EPHA7: variants seen among roughly 807,000 people sequenced by gnomAD.
EPHA7 encodes EPH receptor A7, also known as ephrin type-A receptor 7.
Under a neutral mutation model 112.6 loss-of-function variants are expected in EPHA7, and 25 were observed. The ratio of observed to expected loss-of-function variants is 0.22; its 90% CI spans 0.16 to 0.31. The LOEUF (loss-of-function observed/expected upper bound fraction) is 0.31, where lower values mean the gene tolerates loss of function less well. Ranked by LOEUF, EPHA7 falls within the 10% of genes least tolerant of loss-of-function variation. The pLI is 1.00. For synonymous variants in EPHA7, 437 were observed against 406.5 expected, an observed-to-expected ratio of 1.07 and a Z score of -0.90; for missense variants, 962 against 1,212.6, an observed-to-expected ratio of 0.79 and a Z score of 3.07.
At chr6:93,351,231 C>T (rs1775676308) in intron 5 of EPHA7, among the ~76,000 whole-genome samples, 1 of 152,024 alleles carries the variant, frequency 6.6e-6, no homozygotes. Flanking sequence ...CTAGGGACAA[C>T]CTGAGGGTTC....
Position 93,357,063 on chromosome 6 carries a change from C to A in EPHA7, c.989-11G>T. The A allele has an allele frequency of 1.2e-5, 18 of 1,557,348 alleles. No individual in the cohort carries two copies. The highest frequency in any genetic ancestry group is 3.5e-5 in the South Asian group (3 of 84,650). On this transcript the variant is annotated splice_polypyrimidine_tract_variant and intron_variant, in intron 4 of 16. Transcript: ENST00000369303. ...GTGCAGATGGAGGCCCTTGGGAAAC[C>A]AAGAATAAATAAGTAAATAAGCAAA...
chr6:93,347,385 T>C (rs1481042884), intron 5 of EPHA7, among the ~76,000 whole-genome samples: 1 of 151,826 alleles, frequency 6.6e-6, no homozygotes, highest in Non-Finnish European at 1.5e-5. Flanking sequence ...CTATTGGTCA[T>C]TTTCTGCTAC....
intron 5 of EPHA7, among the ~76,000 whole-genome samples, chr6:93,292,372 G>A (rs1772424144): frequency 6.6e-6 from 1 of 151,978 alleles, no homozygotes; most frequent in African/African-American, 2.4e-5. Flanking sequence ...TTTTACCCTA[G>A]TATTTTAAAT....
intron 5 of EPHA7, among the ~76,000 whole-genome samples, chr6:93,280,260 C>A (rs1239873225): frequency 6.6e-6 from 1 of 152,132 alleles, no homozygotes; most frequent in Non-Finnish European, 1.5e-5. Flanking sequence ...TGTTGTCAAC[C>A]CCATTTGTAA....
Position 93,240,107 on chromosome 6 carries a change from T to C in EPHA7, c.*3319A>G, listed in dbSNP as rs1161356625. On this transcript the variant is annotated 3_prime_UTR_variant, in exon 17 of 17. Transcript: ENST00000369303. The stretch of plus-strand genomic sequence containing the variant: ...TTCATGTTGAAGAAAGAGTTATTTG[T>C]GCTTGATACATTGAAGACACTGTTC... 4.4e-6 allele frequency: 1 copy of C among 224,968 alleles called. No individual in the cohort carries two copies. The highest frequency in any genetic ancestry group is 6.4e-5 in the East Asian group (1 of 15,554). The allele number at this position is 224,968 out of a possible 1,614,324, so 13.9% of individuals were successfully genotyped here.
Position 93,268,184 on chromosome 6 carries a change from A to T in EPHA7, c.1633+1293T>A, listed in dbSNP as rs530145011. 4.4e-3 allele frequency among the ~76,000 whole-genome samples: 668 copies of T among 151,834 alleles called. 9 individuals are homozygous for T. Among genetic ancestry groups the T allele is most frequent in the African/African-American group, 0.015 (609 of 41,508 alleles). The stretch of plus-strand genomic sequence containing the variant: ...GGTATTAAGTTTACCACATCAAATT[A>T]TGTAGTAAATTTTTAAACTGATGCC... On this transcript the variant is annotated intron_variant, in intron 7 of 16. Transcript: ENST00000369303.
intron 7 of EPHA7, 28 bp from the exon 8 acceptor site, chr6:93,264,730 A>G: frequency 7.2e-7 from 1 of 1,383,110 alleles, no homozygotes; most frequent in South Asian, 1.3e-5. Flanking sequence ...AGGCTCAGAA[A>G]TACTTGACAC....
chr6:93,348,120 A>G (rs1775496063), intron 5 of EPHA7, among the ~76,000 whole-genome samples: 1 of 151,814 alleles, frequency 6.6e-6, no homozygotes. Context: ...TAACCATATC[A>G]GAAAAGGATA....
intron 5 of EPHA7, among the ~76,000 whole-genome samples, chr6:93,281,681 C>CT (rs1012257106): frequency 9.2e-5 from 14 of 151,930 alleles, no homozygotes; most frequent in African/African-American, 1.4e-4. Context: ...GACCTCAGAA[C>CT]TTTTTTTTAA....
Position 93,259,406 on chromosome 6 carries a change from G to A in EPHA7, c.1872C>T (p.Phe624=), listed in dbSNP as rs144336913. The A allele has an allele frequency of 9.3e-6, 15 of 1,612,120 alleles. No homozygotes were observed. The African/African-American group carries it at 1.1e-4, about 11-fold the overall frequency. The change falls in exon 10 of 17, where the codon TTC becomes TTT. Residue 624 remains phenylalanine (F), a synonymous_variant. Transcript: ENST00000369303. ...TACAGGAGGCATCTAGCTCCTTGGC[G>A]AATTGATGGACAGCTCTATTTGGGT... The part of the protein sequence containing the change: ...YEDPNRAVHQ[F]AKELDASCIK...
At chr6:93,271,153 C>T (rs539627995) in intron 6 of EPHA7, among the ~76,000 whole-genome samples, 20 of 151,572 alleles carry the variant, frequency 1.3e-4, no homozygotes, top group Middle Eastern at 3.4e-3. Context: ...TTTGTTGGGA[C>T]GATAAATGAA....
chr6:93,291,254 T>C (rs1420121133), intron 5 of EPHA7, among the ~76,000 whole-genome samples: 6 of 152,202 alleles, frequency 3.9e-5, no homozygotes, highest in South Asian at 2.1e-4. Context: ...TCTCTACAGT[T>C]TGTACTTACT....
chr6:93,418,619 C>T lies in EPHA7; in HGVS notation c.97+626G>A, dbSNP rs186485422. ...CATCCCCGGCCCTCGGGTCGCGCGC[C>T]GCACGCCGCGCTTCACCTCCGCGGC... On this transcript the variant is annotated intron_variant, in intron 1 of 16. Transcript: ENST00000369303. Among the ~76,000 whole-genome samples the T allele has an allele frequency of 4.8e-3, 737 of 152,290 alleles. 6 individuals carry two copies. Among genetic ancestry groups the T allele is most frequent in the African/African-American group, 0.017 (714 of 41,578 alleles).
chr6:93,399,603 T>G (rs1416185748), intron 3 of EPHA7, among the ~76,000 whole-genome samples: 1 of 152,112 alleles, frequency 6.6e-6, no homozygotes, highest in African/African-American at 2.4e-5. Context: ...AATCTAAAAA[T>G]GATTCAAGAA....
At chr6:93,367,690 C>T (rs1182785420) in intron 3 of EPHA7, among the ~76,000 whole-genome samples, 1 of 151,950 alleles carries the variant, frequency 6.6e-6, no homozygotes, top group Non-Finnish European at 1.5e-5. Flanking sequence ...TACAAATTTG[C>T]TCAAGTTCTG....
intron 14 of EPHA7, 39 bp from the exon 15 acceptor site, chr6:93,247,024 G>A (rs2127847422): frequency 2.0e-6 from 3 of 1,498,740 alleles, no homozygotes; most frequent in Admixed American, 1.9e-5. Context: ...TACTGATTTA[G>A]GTTCAATTAT....
chr6:93,324,034 T>C (rs1774197399), intron 5 of EPHA7, among the ~76,000 whole-genome samples: 1 of 151,454 alleles, frequency 6.6e-6, no homozygotes, highest in Non-Finnish European at 1.5e-5. Flanking sequence ...AAACCATCCA[T>C]GAAGGGGCAG....
intron 5 of EPHA7, among the ~76,000 whole-genome samples, chr6:93,298,491 A>G (rs191921487): frequency 6.6e-6 from 1 of 152,282 alleles, no homozygotes; most frequent in Admixed American, 6.5e-5. Context: ...TATATTATAT[A>G]TACATATATG....
rs771465590 is a variant in EPHA7 at position 93,259,362 on chromosome 6, A to G, written c.1916T>C (p.Ile639Thr). 13 of 1,611,578 alleles carry G rather than the reference A, an allele frequency of 8.1e-6. No homozygotes were observed. Among genetic ancestry groups the G allele is most frequent in the Non-Finnish European group, 1.1e-5 (13 of 1,178,212 alleles). Reference protein sequence around the residue: ...DASCIKIERVIGAGEFGEVCS... With the variant: ...DASCIKIERVTGAGEFGEVCS... ...AGCTACAATAGCCTTACCTGCACCAATCACACGCTCAATTTTAATACAGGA... is the reference window on the plus strand; with the variant it reads ...AGCTACAATAGCCTTACCTGCACCAGTCACACGCTCAATTTTAATACAGGA... The change falls in exon 10 of 17, where the codon ATT becomes ACT. Residue 639 changes from isoleucine (I) to threonine (T), a missense_variant. Physicochemically the swap from Ile to Thr is moderately conservative, Grantham distance 89 (BLOSUM62 -1). Transcript: ENST00000369303.
Sources: allele counts gnomAD v4.1 joint callset (sites outside exome capture counted in the v4.1 genomes callset), GRCh38; gene constraint gnomAD v4.1.1; transcripts MANE v1.5; gene names NCBI Gene and HGNC (gene_info 2026-07-23, HGNC 2026-07-21).